Variants in GTF2I observed in about 807,000 individuals in gnomAD.
GTF2I encodes general transcription factor II-I.
GTF2I carries 12 observed loss-of-function variants against 67.6 expected under a neutral mutation model. The ratio of observed to expected loss-of-function variants is 0.18; its 90% CI spans 0.11 to 0.29. GTF2I has a LOEUF of 0.29. Ranked by LOEUF, GTF2I falls within the 10% of genes least tolerant of loss-of-function variation. The pLI, the probability that GTF2I is intolerant of heterozygous loss-of-function variation, is 1.00. For synonymous variants in GTF2I, 149 were observed against 197.0 expected (o/e 0.76, Z 2.04); for missense variants, 271 against 580.1 (o/e 0.47, Z 5.47).
intron 1 of GTF2I, among the ~76,000 whole-genome samples, chr7:74,688,739 G>T (rs1409968247): frequency 6.6e-6 from 1 of 152,164 alleles, no homozygotes; most frequent in Non-Finnish European, 1.5e-5. Context: ...ACTCTTTTGT[G>T]TGTCAGGATG....
intron 1 of GTF2I, among the ~76,000 whole-genome samples, chr7:74,667,384 A>G (rs1157700422): frequency 6.6e-6 from 1 of 152,176 alleles, no homozygotes; most frequent in Admixed American, 6.6e-5. Flanking sequence ...TTCCTTTATG[A>G]AGAATAAATT....
intron 1 of GTF2I, among the ~76,000 whole-genome samples, chr7:74,672,261 G>A (rs1481399934): frequency 1.3e-5 from 2 of 152,060 alleles, no homozygotes; most frequent in Non-Finnish European, 1.5e-5. Flanking sequence ...ACCTCTGGCC[G>A]GGCACGATGG....
At chr7:74,681,890 C>T (rs376803470) in intron 1 of GTF2I, among the ~76,000 whole-genome samples, 47 of 149,508 alleles carry the variant, frequency 3.1e-4, no homozygotes, top group Non-Finnish European at 3.4e-4. Context: ...CCAACCTGGG[C>T]GATAAGTGAG....
chr7:74,669,524 C>A (rs925567556), intron 1 of GTF2I, among the ~76,000 whole-genome samples: 1 of 150,892 alleles, frequency 6.6e-6, no homozygotes, highest in Non-Finnish European at 1.5e-5. Flanking sequence ...AACCATCGCT[C>A]CCAGCTGGAA....
chr7:74,683,884 G>A (rs1431860286), intron 1 of GTF2I, among the ~76,000 whole-genome samples: 1 of 151,848 alleles, frequency 6.6e-6, no homozygotes, highest in Non-Finnish European at 1.5e-5. Context: ...TTAAAAACTC[G>A]TACCTAGTTG....
intron 12 of GTF2I, among the ~76,000 whole-genome samples, chr7:74,723,866 AAG>A (rs1458468475): frequency 2.0e-5 from 3 of 151,964 alleles, no homozygotes; most frequent in Non-Finnish European, 2.9e-5. Context: ...AAAAAAAAAA[AAG>A]AGAAGACCTA....
At chr7:74,659,482 C>G (rs1233153379) in intron 1 of GTF2I, among the ~76,000 whole-genome samples, 1 of 150,756 alleles carries the variant, frequency 6.6e-6, no homozygotes, top group Non-Finnish European at 1.5e-5. Context: ...CTCTGCCTCC[C>G]GGGTTCAAGC....
intron 11 of GTF2I, 152 bp from the exon 12 acceptor site, chr7:74,718,727 G>T: frequency 1.9e-6 from 1 of 520,126 alleles, no homozygotes; most frequent in South Asian, 2.7e-5. Flanking sequence ...AATGACAAGG[G>T]TCAAATTTTA....
chr7:74,705,812 C>A (rs1554401181), intron 7 of GTF2I, among the ~76,000 whole-genome samples: 1 of 151,850 alleles, frequency 6.6e-6, no homozygotes, highest in East Asian at 1.9e-4. Flanking sequence ...GATCCACCTG[C>A]CTCGGCCTCC....
At chr7:74,666,405 A>G (rs1355569889) in intron 1 of GTF2I, among the ~76,000 whole-genome samples, 2 of 152,190 alleles carry the variant, frequency 1.3e-5, no homozygotes, top group African/African-American at 4.8e-5. Context: ...CTGTGAGATA[A>G]TTTGACAGAG....
chr7:74,659,401 T>TC (rs1273862936), intron 1 of GTF2I, among the ~76,000 whole-genome samples: 1 of 151,870 alleles, frequency 6.6e-6, no homozygotes, highest in African/African-American at 2.4e-5. Context: ...CTAATTTTTT[T>TC]TTTTTTGAGA....
At chr7:74,658,957 G>C (rs1428942035) in intron 1 of GTF2I, among the ~76,000 whole-genome samples, 4 of 152,134 alleles carry the variant, frequency 2.6e-5, no homozygotes, top group Non-Finnish European at 5.9e-5. Flanking sequence ...TTTTCGTGTA[G>C]CGAATTTTGT....
intron 3 of GTF2I, among the ~76,000 whole-genome samples, chr7:74,692,401 G>A (rs1788407868): frequency 6.6e-6 from 1 of 152,168 alleles, no homozygotes; most frequent in Non-Finnish European, 1.5e-5. Context: ...AAGTTGGTGT[G>A]TTGAAAACCA....
At chr7:74,732,177 A>G in intron 14 of GTF2I, among the ~76,000 whole-genome samples, 1 of 149,286 alleles carries the variant, frequency 6.7e-6, no homozygotes, top group East Asian at 1.9e-4. Flanking sequence ...ACATATACAT[A>G]TATATATAAC....
chr7:74,711,718 C>T (rs1791566408), intron 9 of GTF2I, among the ~76,000 whole-genome samples: 1 of 152,154 alleles, frequency 6.6e-6, no homozygotes, highest in Non-Finnish European at 1.5e-5. Context: ...AGCAGTGTGG[C>T]TTCTTTCATT....
chr7:74,708,246 T>C (rs1791034232), intron 8 of GTF2I, among the ~76,000 whole-genome samples: 1 of 152,170 alleles, frequency 6.6e-6, no homozygotes, highest in Non-Finnish European at 1.5e-5. Flanking sequence ...GAGGTTACAT[T>C]GAGTCAAGAT....
intron 1 of GTF2I, among the ~76,000 whole-genome samples, chr7:74,680,228 G>T (rs1299902926): frequency 7.6e-5 from 11 of 145,406 alleles, no homozygotes; most frequent in Non-Finnish European, 1.2e-4. Context: ...ACATGAAAAA[G>T]AAATAGGGCA....
chr7:74,712,160 A>T (rs1323583468), intron 9 of GTF2I, among the ~76,000 whole-genome samples: 1 of 152,114 alleles, frequency 6.6e-6, no homozygotes, highest in Non-Finnish European at 1.5e-5. Context: ...CATGTTGGCC[A>T]GGCTGGTCTC....
Position 74,706,577 on chromosome 7 carries a change from T to A in GTF2I, c.685+144T>A, listed in dbSNP as rs1022059383. On this transcript the variant is annotated intron_variant, in intron 8 of 34. Transcript: ENST00000573035. ...TAATGTATTCCAACTGTGACACTAT[T>A]TGTTAATGTTATCACATTAAGACCC... 7.6e-5 allele frequency: 48 copies of A among 630,916 alleles called. 2 individuals carry two copies. In the Admixed American group the frequency reaches 1.3e-3, roughly 17 times the overall value. 39.1% of individuals were successfully genotyped at this position (630,916 alleles called of 1,614,324 possible).
Sources: gnomAD v4.1 joint callset for allele counts (sites outside exome capture counted in the v4.1 genomes callset) on GRCh38, gnomAD v4.1.1 for gene constraint, MANE v1.5 for transcripts, NCBI Gene and HGNC (gene_info 2026-07-23, HGNC 2026-07-21) for gene names.